Variants in RABGAP1L observed in about 807,000 individuals in gnomAD.
RABGAP1L encodes RAB GTPase activating protein 1 like.
In RABGAP1L, 63 loss-of-function variants were observed where a neutral mutation model predicts 137.7. The ratio of observed to expected loss-of-function variants is 0.46; its 90% CI spans 0.37 to 0.56. RABGAP1L has a LOEUF of 0.56. Among genes scored for constraint, RABGAP1L ranks in the 20% least tolerant of loss-of-function variants. The pLI, the probability that RABGAP1L is intolerant of heterozygous loss-of-function variation, is 0.00. For synonymous variants in RABGAP1L, 431 were observed against 433.7 expected, an observed-to-expected ratio of 0.99 and a Z score of 0.08; for missense variants, 1,095 against 1,244.0, an observed-to-expected ratio of 0.88 and a Z score of 1.80.
intron 13 of RABGAP1L, among the ~76,000 whole-genome samples, chr1:174,558,145 G>A (rs1666997487): frequency 6.6e-6 from 1 of 152,160 alleles, no homozygotes; most frequent in African/African-American, 2.4e-5. Context: ...ATAAAGGCAA[G>A]GGCAGTTCAT....
At chr1:174,637,223 G>A (rs965958192) in intron 13 of RABGAP1L, 152 bp from the exon 14 acceptor site, 1 of 577,796 alleles carries the variant, frequency 1.7e-6, no homozygotes, top group South Asian at 2.3e-5. Flanking sequence ...CTTATCTTGG[G>A]TATAGGACTA....
intron 3 of RABGAP1L, among the ~76,000 whole-genome samples, chr1:174,221,660 TAAATA>T (rs2148471567): frequency 2.0e-5 from 3 of 152,262 alleles, no homozygotes; most frequent in African/African-American, 7.2e-5. Context: ...GGTGCAAAAA[TAAATA>T]AAACCAAAAC....
At chr1:174,164,213 T>C (rs960415724) in intron 1 of RABGAP1L, among the ~76,000 whole-genome samples, 3 of 152,114 alleles carry the variant, frequency 2.0e-5, no homozygotes, top group Non-Finnish European at 2.9e-5. Context: ...TTGGCTGATA[T>C]TCCATAAACC....
intron 19 of RABGAP1L, among the ~76,000 whole-genome samples, chr1:174,894,204 A>G (rs553270979): frequency 1.3e-5 from 2 of 152,244 alleles, no homozygotes; most frequent in Non-Finnish European, 2.9e-5. Flanking sequence ...GAAGCTCTAC[A>G]GTGCTCTCCA....
chr1:174,165,493 ACTTT>A (rs917861315), intron 1 of RABGAP1L, among the ~76,000 whole-genome samples: 1 of 144,270 alleles, frequency 6.9e-6, no homozygotes, highest in African/African-American at 2.6e-5. Flanking sequence ...CATTTGAACT[ACTTT>A]TTTTTTTTTT....
chr1:174,755,363 G>A (rs1009062375), intron 18 of RABGAP1L, among the ~76,000 whole-genome samples: 1 of 152,128 alleles, frequency 6.6e-6, no homozygotes, highest in Non-Finnish European at 1.5e-5. Flanking sequence ...GAAACATTAG[G>A]TAGTCATAGA....
chr1:174,573,574 T>C (rs1256652134), intron 13 of RABGAP1L, among the ~76,000 whole-genome samples: 2 of 152,304 alleles, frequency 1.3e-5, no homozygotes, highest in African/African-American at 4.8e-5. Context: ...ATTTTTCTTT[T>C]GAAAATCTTA....
chr1:174,199,492 A>G (rs368363972), intron 1 of RABGAP1L, among the ~76,000 whole-genome samples: 3 of 152,000 alleles, frequency 2.0e-5, no homozygotes, highest in Admixed American at 1.3e-4. Flanking sequence ...GGGTTTCACT[A>G]TTTTGACCAG....
chr1:174,820,050 A>C (rs1485482463), intron 19 of RABGAP1L, among the ~76,000 whole-genome samples: 2 of 152,174 alleles, frequency 1.3e-5, no homozygotes, highest in African/African-American at 4.8e-5. Context: ...GCTTTGAGAA[A>C]CATGGAAGAG....
intron 14 of RABGAP1L, among the ~76,000 whole-genome samples, chr1:174,646,338 G>A (rs1015594789): frequency 1.3e-5 from 2 of 152,014 alleles, no homozygotes; most frequent in African/African-American, 4.8e-5. Flanking sequence ...GATTTTTATG[G>A]TTTTAGGTCT....
chr1:174,519,090 TACACACACAC>T (rs542053737), intron 13 of RABGAP1L, among the ~76,000 whole-genome samples: 5 of 150,496 alleles, frequency 3.3e-5, no homozygotes, highest in African/African-American at 7.3e-5. Context: ...AATATATATA[TACACACACAC>T]ACACACATAC....
At chr1:174,408,948 A>G (rs927827495) in intron 13 of RABGAP1L, among the ~76,000 whole-genome samples, 5 of 152,094 alleles carry the variant, frequency 3.3e-5, no homozygotes, top group African/African-American at 1.2e-4. Context: ...AGTTCCTTAT[A>G]GATTCTAATG....
intron 13 of RABGAP1L, among the ~76,000 whole-genome samples, chr1:174,633,927 A>T: frequency 1.1e-5 from 1 of 93,384 alleles, no homozygotes; most frequent in Admixed American, 1.0e-4. Flanking sequence ...AAACCATAAA[A>T]ACCCTAGAAG....
intron 19 of RABGAP1L, among the ~76,000 whole-genome samples, chr1:174,911,337 T>C (rs1440364285): frequency 6.6e-6 from 1 of 152,186 alleles, no homozygotes; most frequent in Non-Finnish European, 1.5e-5. Context: ...CTTTATGTAA[T>C]AATGAGTGCA....
intron 11 of RABGAP1L, among the ~76,000 whole-genome samples, chr1:174,311,862 C>T (rs1395434874): frequency 2.0e-5 from 3 of 152,218 alleles, no homozygotes; most frequent in African/African-American, 7.2e-5. Context: ...CCACCTTGGC[C>T]TCTCAAAGTG....
chr1:174,745,428 A>G (rs1024867282), intron 17 of RABGAP1L, among the ~76,000 whole-genome samples: 3 of 152,220 alleles, frequency 2.0e-5, no homozygotes, highest in African/African-American at 4.8e-5. Flanking sequence ...TTAACTCTCA[A>G]TGGAGAAGCA....
chr1:174,919,407 C>T (rs1253440327), intron 19 of RABGAP1L, among the ~76,000 whole-genome samples: 1 of 152,220 alleles, frequency 6.6e-6, no homozygotes, highest in Non-Finnish European at 1.5e-5. Flanking sequence ...GAAACACCTA[C>T]TTCGGCTTCT....
intron 3 of RABGAP1L, among the ~76,000 whole-genome samples, chr1:174,223,734 A>C (rs891037081): frequency 1.3e-5 from 2 of 152,148 alleles, no homozygotes; most frequent in Admixed American, 1.3e-4. Context: ...TATTTTTATA[A>C]ACATTCTGAA....
chr1:174,896,652 A>G (rs545596479), intron 19 of RABGAP1L, among the ~76,000 whole-genome samples: 4 of 152,310 alleles, frequency 2.6e-5, no homozygotes, highest in African/African-American at 9.6e-5. Context: ...TTAGCTTTCT[A>G]TGTATGGCTA....
Sources: allele counts gnomAD v4.1 joint callset (sites outside exome capture counted in the v4.1 genomes callset), GRCh38; gene constraint gnomAD v4.1.1; transcripts MANE v1.5; gene names NCBI Gene and HGNC (gene_info 2026-07-23, HGNC 2026-07-21).